BLTP1: variants seen among roughly 807,000 people sequenced by gnomAD.
BLTP1 encodes bridge-like lipid transfer protein family member 1.
At chr4:122,293,259 T>G in the BLTP1 span, 1 of 752,948 alleles carries the variant, frequency 1.3e-6, no homozygotes, top group Non-Finnish European at 1.6e-6. Flanking sequence ...GAAGCAGCTG[T>G]AGTCCAGGAC....
the BLTP1 span, chr4:122,346,653 A>C: frequency 6.2e-7 from 1 of 1,613,340 alleles, no homozygotes. Flanking sequence ...GCCTCCTTTA[A>C]ATATGATATG....
At chr4:122,234,844 G>C in the BLTP1 span, 2 of 1,613,454 alleles carry the variant, frequency 1.2e-6, no homozygotes, top group Non-Finnish European at 1.7e-6. Flanking sequence ...TGTCTCGGTG[G>C]CTGCAGATTC....
At chr4:122,252,708 G>T in the BLTP1 span, among the ~76,000 whole-genome samples, 2 of 152,216 alleles carry the variant, frequency 1.3e-5, no homozygotes, top group Non-Finnish European at 2.9e-5. Flanking sequence ...CTCTAGACCT[G>T]CCCAGAGCCT....
chr4:122,308,554 C>T, the BLTP1 span, among the ~76,000 whole-genome samples: 1 of 151,918 alleles, frequency 6.6e-6, no homozygotes, highest in African/African-American at 2.4e-5. Flanking sequence ...TGAACTTAAC[C>T]TGTAATAGAA....
chr4:122,296,538 G>A, the BLTP1 span, among the ~76,000 whole-genome samples: 2 of 152,112 alleles, frequency 1.3e-5, no homozygotes, highest in Admixed American at 1.3e-4. Context: ...AACTACCATT[G>A]GCATTCTTTA....
chr4:122,164,339 T>A, the BLTP1 span: 1 of 901,424 alleles, frequency 1.1e-6, no homozygotes, highest in Non-Finnish European at 1.3e-6. Flanking sequence ...TTTTAAATTA[T>A]GGAAATATTA....
chr4:122,273,346 T>G, the BLTP1 span: 1 of 984,714 alleles, frequency 1.0e-6, no homozygotes, highest in South Asian at 4.7e-5. Context: ...ATTGACATGG[T>G]GAACCACACA....
the BLTP1 span, among the ~76,000 whole-genome samples, chr4:122,322,273 T>C: frequency 2.0e-5 from 3 of 151,898 alleles, no homozygotes; most frequent in African/African-American, 7.3e-5. Flanking sequence ...TGATATATCC[T>C]CAAGTTCAAA....
the BLTP1 span, among the ~76,000 whole-genome samples, chr4:122,290,603 C>T: frequency 1.3e-5 from 2 of 151,232 alleles, no homozygotes; most frequent in African/African-American, 4.9e-5. Flanking sequence ...CTGGCTAACA[C>T]AGTGAAACCC....
chr4:122,229,035 T>A, the BLTP1 span: 1 of 1,129,372 alleles, frequency 8.9e-7, no homozygotes, highest in African/African-American at 1.6e-5. Context: ...ACTAGATTTT[T>A]TGTGTTTATT....
the BLTP1 span, chr4:122,298,670 CATATA>C: frequency 9.1e-5 from 1 of 11,010 alleles, no homozygotes; most frequent in Non-Finnish European, 1.6e-4. Context: ...GGTATTTAAA[CATATA>C]ATAATAAAAA....
the BLTP1 span, chr4:122,277,403 C>A: frequency 1.0e-6 from 1 of 962,822 alleles, no homozygotes; most frequent in Non-Finnish European, 1.2e-6. Flanking sequence ...ATGGCTTCTA[C>A]ATAAATGTCC....
At chr4:122,268,515 C>G in the BLTP1 span, among the ~76,000 whole-genome samples, 6 of 152,196 alleles carry the variant, frequency 3.9e-5, no homozygotes, top group Non-Finnish European at 8.8e-5. Context: ...TGGCCACTTT[C>G]CTCTTTATGT....
the BLTP1 span, chr4:122,205,789 C>CACAG: frequency 1.3e-5 from 2 of 152,362 alleles, no homozygotes; most frequent in African/African-American, 5.0e-5. Flanking sequence ...GTCACATACA[C>CACAG]ACACACACAC....
At chr4:122,332,629 C>T in the BLTP1 span, among the ~76,000 whole-genome samples, 4 of 142,560 alleles carry the variant, frequency 2.8e-5, no homozygotes, top group African/African-American at 2.6e-5. Flanking sequence ...TAAAAGTTTG[C>T]TTTTTTTTTT....
chr4:122,183,540 A>G, the BLTP1 span: 1 of 984,428 alleles, frequency 1.0e-6, no homozygotes, highest in East Asian at 1.1e-4. Flanking sequence ...AGAATTTCCA[A>G]GGACTTATTT....
At chr4:122,329,559 T>C in the BLTP1 span, among the ~76,000 whole-genome samples, 2 of 151,660 alleles carry the variant, frequency 1.3e-5, no homozygotes, top group African/African-American at 4.8e-5. Context: ...TTTTGTTTTG[T>C]CTTAACAGTA....
chr4:122,194,559 A>T, the BLTP1 span: 5 of 939,548 alleles, frequency 5.3e-6, no homozygotes, highest in Non-Finnish European at 6.3e-6. Context: ...TTTAAACTAT[A>T]TTGAGAAATC....
At chr4:122,274,488 G>T in the BLTP1 span, 2 of 1,561,998 alleles carry the variant, frequency 1.3e-6, no homozygotes, top group South Asian at 2.5e-5. Flanking sequence ...GACAAAAATG[G>T]AAATTCTTTG....
Sources: gnomAD v4.1 joint callset for allele counts (sites outside exome capture counted in the v4.1 genomes callset) on GRCh38, gnomAD v4.1.1 for gene constraint, MANE v1.5 for transcripts, NCBI Gene and HGNC (gene_info 2026-07-23, HGNC 2026-07-21) for gene names.